Variants in DCP1A observed in about 807,000 individuals in gnomAD.
DCP1A encodes mRNA-decapping enzyme 1A.
Under a neutral mutation model 58.0 loss-of-function variants are expected in DCP1A, and 20 were observed. That is an observed-to-expected ratio of 0.34 (90% CI 0.24 to 0.50). The LOEUF (loss-of-function observed/expected upper bound fraction) is 0.50, where lower values mean the gene tolerates loss of function less well. Ranked by LOEUF, DCP1A falls within the 20% of genes least tolerant of loss-of-function variation. The probability of loss-of-function intolerance (pLI) is 0.98; values close to 1 mark genes in which losing one functional copy is unlikely to be tolerated. For synonymous variants in DCP1A, 285 were observed against 275.1 expected, an observed-to-expected ratio of 1.04 and a Z score of -0.36; for missense variants, 613 against 712.2, an observed-to-expected ratio of 0.86 and a Z score of 1.59.
At chr3:53,320,725 T>C (rs1707939889) in intron 3 of DCP1A, among the ~76,000 whole-genome samples, 1 of 152,202 alleles carries the variant, frequency 6.6e-6, no homozygotes, top group Non-Finnish European at 1.5e-5. Flanking sequence ...GAAATTTCCA[T>C]GGCCACCAGG....
At chr3:53,313,492 C>T (rs1360061967) in intron 4 of DCP1A, among the ~76,000 whole-genome samples, 1 of 151,602 alleles carries the variant, frequency 6.6e-6, no homozygotes, top group Non-Finnish European at 1.5e-5. Flanking sequence ...AAAGAAAGAT[C>T]TGAAACAATT....
chr3:53,293,750 T>C (rs1707013412), intron 6 of DCP1A, among the ~76,000 whole-genome samples: 1 of 152,142 alleles, frequency 6.6e-6, no homozygotes, highest in African/African-American at 2.4e-5. Flanking sequence ...TAGTATAATA[T>C]CAATATTATA....
chr3:53,342,698 C>A (rs1416223124), intron 2 of DCP1A, among the ~76,000 whole-genome samples: 2 of 152,224 alleles, frequency 1.3e-5, no homozygotes, highest in Non-Finnish European at 2.9e-5. Context: ...TCAGATGTCA[C>A]CTTTTTCATG....
At chr3:53,306,770 C>CA (rs1169051475) in intron 5 of DCP1A, among the ~76,000 whole-genome samples, 2,599 of 34,066 alleles carry the variant, frequency 0.076, 205 homozygotes, top group African/African-American at 0.14. Flanking sequence ...GACTCCGTCT[C>CA]AAAAAAAAAA....
At chr3:53,310,334 A>G (rs1269749434) in intron 5 of DCP1A, among the ~76,000 whole-genome samples, 1 of 152,252 alleles carries the variant, frequency 6.6e-6, no homozygotes, top group Non-Finnish European at 1.5e-5. Context: ...GAGTTCCTTT[A>G]AAGTTTTGTG....
chr3:53,313,045 A>G (rs1476470419), intron 4 of DCP1A, among the ~76,000 whole-genome samples: 1 of 152,218 alleles, frequency 6.6e-6, no homozygotes, highest in Non-Finnish European at 1.5e-5. Flanking sequence ...AGTTCCACCA[A>G]GACACAGGAA....
intron 6 of DCP1A, among the ~76,000 whole-genome samples, chr3:53,294,130 A>C (rs2106799677): frequency 6.6e-6 from 1 of 152,320 alleles, no homozygotes; most frequent in Admixed American, 6.5e-5. Context: ...CAGACTGCAG[A>C]GTATCTGAGA....
chr3:53,303,277 TC>T (rs1254393013), intron 6 of DCP1A, among the ~76,000 whole-genome samples: 1 of 151,440 alleles, frequency 6.6e-6, no homozygotes, highest in Non-Finnish European at 1.5e-5. Context: ...ATTATTTTTT[TC>T]TTCCTTGAGA....
Position 53,292,702 on chromosome 3 carries a change from G to A in DCP1A, c.750C>T (p.Ser250=). 1 of 1,613,806 alleles carries A rather than the reference G, an allele frequency of 6.2e-7. No homozygotes were observed. The change falls in exon 7 of 10, where the codon TCC becomes TCT. Residue 250 remains serine, a synonymous_variant. Transcript: ENST00000610213. ...GTAGGAATGAATTGGGCTCTTTCTG[G>A]GAGGCATCTCCTGGCAACCTCTCCA... ...EEMERLPGDA[S]QKEPNSFLPF...
intron 5 of DCP1A, among the ~76,000 whole-genome samples, 190 bp downstream of exon 5, chr3:53,312,051 A>C (rs1282790551): frequency 6.6e-6 from 1 of 152,132 alleles, no homozygotes; most frequent in Non-Finnish European, 1.5e-5. Context: ...CCTGGAGTCA[A>C]GTGATCTTCC....
chr3:53,295,653 C>A (rs1189910605), intron 6 of DCP1A, among the ~76,000 whole-genome samples: 5 of 152,030 alleles, frequency 3.3e-5, no homozygotes, highest in African/African-American at 1.2e-4. Flanking sequence ...TCAAACAATC[C>A]TTTCATGTAG....
At chr3:53,342,049 G>C in intron 3 of DCP1A, 95 bp downstream of exon 3, 2 of 1,107,512 alleles carry the variant, frequency 1.8e-6, no homozygotes, top group Middle Eastern at 3.0e-4. Context: ...ACCATATTTT[G>C]TTTTGTAATT....
At chr3:53,336,538 T>C (rs1006482868) in intron 3 of DCP1A, among the ~76,000 whole-genome samples, 1 of 152,240 alleles carries the variant, frequency 6.6e-6, no homozygotes, top group African/African-American at 2.4e-5. Context: ...CTGCTGTTTG[T>C]TATATGCTAC....
chr3:53,291,262 C>T (rs1308382776), intron 7 of DCP1A, among the ~76,000 whole-genome samples: 2 of 114,172 alleles, frequency 1.8e-5, no homozygotes, highest in Middle Eastern at 4.5e-3. Context: ...TACAGGCATG[C>T]GATGCATAAT....
intron 7 of DCP1A, among the ~76,000 whole-genome samples, chr3:53,291,380 T>C (rs557980059): frequency 1.6e-4 from 25 of 152,258 alleles, no homozygotes; most frequent in African/African-American, 6.0e-4. Context: ...TAAATTATTA[T>C]GGACTATAAT....
chr3:53,334,332 T>C (rs2089073336), intron 3 of DCP1A, among the ~76,000 whole-genome samples: 4 of 152,142 alleles, frequency 2.6e-5, no homozygotes, highest in Admixed American at 2.6e-4. Flanking sequence ...ATTCTATATG[T>C]TTATCCAATC....
chr3:53,331,918 G>T (rs1419387024), intron 3 of DCP1A, among the ~76,000 whole-genome samples: 4 of 152,220 alleles, frequency 2.6e-5, no homozygotes, highest in Non-Finnish European at 4.4e-5. Context: ...GCTGCTTGTA[G>T]CAGGTATGTA....
chr3:53,340,342 T>A (rs1351631002), intron 3 of DCP1A, among the ~76,000 whole-genome samples: 1 of 152,230 alleles, frequency 6.6e-6, no homozygotes, highest in African/African-American at 2.4e-5. Context: ...AAAGCATGTC[T>A]AATATGTCCA....
At chr3:53,298,699 A>C (rs1707212829) in intron 6 of DCP1A, among the ~76,000 whole-genome samples, 1 of 152,222 alleles carries the variant, frequency 6.6e-6, no homozygotes, top group Non-Finnish European at 1.5e-5. Context: ...CTGGATGGTG[A>C]TACTTACCTC....
Sources: allele counts gnomAD v4.1 joint callset (sites outside exome capture counted in the v4.1 genomes callset), GRCh38; gene constraint gnomAD v4.1.1; transcripts MANE v1.5; gene names NCBI Gene and HGNC (gene_info 2026-07-23, HGNC 2026-07-21).